SLC25A21: variants seen among roughly 807,000 people sequenced by gnomAD.
SLC25A21 encodes the protein mitochondrial 2-oxodicarboxylate carrier.
In SLC25A21, 47 loss-of-function variants were observed where a neutral mutation model predicts 43.8. The ratio of observed to expected loss-of-function variants is 1.07; its 90% CI spans 0.85 to 1.37. The LOEUF is 1.37. SLC25A21 is among the 40% of genes most tolerant of loss of function. SLC25A21 has a pLI of 0.00. For missense variants in SLC25A21, 352 were observed against 350.2 expected (o/e 1.00, Z -0.04); for synonymous variants, 131 against 121.3 (o/e 1.08, Z -0.52).
intron 3 of SLC25A21, among the ~76,000 whole-genome samples, chr14:36,785,042 G>C (rs1053411963): frequency 5.9e-5 from 9 of 152,166 alleles, no homozygotes; most frequent in African/African-American, 2.2e-4. Context: ...TGTTCTACCA[G>C]AGGGGTGGTA....
chr14:37,095,450 G>A (rs1229242770), intron 1 of SLC25A21, among the ~76,000 whole-genome samples: 1 of 152,258 alleles, frequency 6.6e-6, no homozygotes, highest in South Asian at 2.1e-4. Flanking sequence ...CCTGGGAAGC[G>A]GAGGTTGCAA....
intron 1 of SLC25A21, among the ~76,000 whole-genome samples, chr14:37,136,243 T>G (rs115509772): frequency 2.6e-5 from 4 of 152,216 alleles, no homozygotes; most frequent in African/African-American, 4.8e-5. Context: ...AACTATTAAT[T>G]AAAATGGTCT....
intron 3 of SLC25A21, among the ~76,000 whole-genome samples, chr14:36,794,362 T>C (rs186616345): frequency 6.6e-6 from 1 of 152,202 alleles, no homozygotes; most frequent in Non-Finnish European, 1.5e-5. Context: ...AGTCTTTTAA[T>C]AGACACACCA....
intron 1 of SLC25A21, among the ~76,000 whole-genome samples, chr14:36,997,644 C>A (rs1315668451): frequency 6.6e-6 from 1 of 152,182 alleles, no homozygotes; most frequent in East Asian, 1.9e-4. Context: ...GCCTGTTCAA[C>A]ATGGTGAAAT....
chr14:36,999,426 T>C (rs1208234195), intron 1 of SLC25A21, among the ~76,000 whole-genome samples: 1 of 152,122 alleles, frequency 6.6e-6, no homozygotes, highest in Non-Finnish European at 1.5e-5. Flanking sequence ...GCAGTGAAAA[T>C]CTCTGTATGT....
At chr14:37,154,685 C>G (rs1306217684) in intron 1 of SLC25A21, among the ~76,000 whole-genome samples, 1 of 151,242 alleles carries the variant, frequency 6.6e-6, no homozygotes. Context: ...TCTTGTTCCC[C>G]AGGCTGGAGT....
At chr14:36,878,722 G>GA (rs1027238710) in intron 1 of SLC25A21, among the ~76,000 whole-genome samples, 76 of 152,166 alleles carry the variant, frequency 5.0e-4, no homozygotes, top group African/African-American at 1.8e-3. Context: ...ATCTAACATA[G>GA]AAAAGAAGAT....
At chr14:36,921,096 C>T (rs1284125458) in intron 1 of SLC25A21, among the ~76,000 whole-genome samples, 1 of 152,024 alleles carries the variant, frequency 6.6e-6, no homozygotes, top group Admixed American at 6.6e-5. Flanking sequence ...GATTTTTAGG[C>T]CTGGTTCTTA....
At chr14:36,790,391 C>T (rs1237424945) in intron 3 of SLC25A21, among the ~76,000 whole-genome samples, 1 of 152,032 alleles carries the variant, frequency 6.6e-6, no homozygotes, top group Admixed American at 6.6e-5. Flanking sequence ...CTTCGAAGTT[C>T]TGCCACATCT....
chr14:36,736,333 C>G (rs1196539201), intron 3 of SLC25A21, among the ~76,000 whole-genome samples: 2 of 152,028 alleles, frequency 1.3e-5, no homozygotes, highest in African/African-American at 4.8e-5. Flanking sequence ...TGAGTTGTCC[C>G]CACCCCTTTT....
intron 3 of SLC25A21, among the ~76,000 whole-genome samples, chr14:36,774,234 T>C (rs1232255707): frequency 1.3e-5 from 2 of 152,232 alleles, no homozygotes; most frequent in East Asian, 3.9e-4. Context: ...TTATATATAA[T>C]AGAAACTCGA....
intron 6 of SLC25A21, among the ~76,000 whole-genome samples, chr14:36,717,689 A>T (rs1434600050): frequency 6.6e-6 from 1 of 152,200 alleles, no homozygotes; most frequent in African/African-American, 2.4e-5. Flanking sequence ...TCTCATAAAC[A>T]CTTTCTTTTG....
intron 3 of SLC25A21, among the ~76,000 whole-genome samples, chr14:36,739,632 C>T (rs1351458099): frequency 6.8e-6 from 1 of 148,110 alleles, no homozygotes; most frequent in African/African-American, 2.5e-5. Flanking sequence ...GAGCTGAGAT[C>T]ATGTCACTGC....
At chr14:37,057,992 C>A (rs1961867214) in intron 1 of SLC25A21, among the ~76,000 whole-genome samples, 1 of 152,198 alleles carries the variant, frequency 6.6e-6, no homozygotes, top group Non-Finnish European at 1.5e-5. Flanking sequence ...CAGCAATAAT[C>A]ATATCCGTGC....
chr14:36,953,610 C>T (rs1384546987), intron 1 of SLC25A21, among the ~76,000 whole-genome samples: 1 of 152,104 alleles, frequency 6.6e-6, no homozygotes, highest in Non-Finnish European at 1.5e-5. Flanking sequence ...AAACAAATGG[C>T]TAAAAGTTAG....
chr14:36,978,347 C>A (rs1959929976), intron 1 of SLC25A21, among the ~76,000 whole-genome samples: 1 of 152,158 alleles, frequency 6.6e-6, no homozygotes, highest in Non-Finnish European at 1.5e-5. Flanking sequence ...TTACACTATA[C>A]TATAGTCTAT....
In SLC25A21 at chr14:37,040,371, GAGAGAAAGAAAGAA is replaced by G. The variant is rs1451438385; in HGVS notation, c.70+131896_70+131909del. ...AAGGAAGGAAAGAAAGAGAGAGAGA[GAGAGAAAGAAAGAA>G]AGAAAGAAAGAAAGAAAGAAAGAAA... On this transcript the variant is annotated intron_variant, in intron 1 of 9. Transcript: ENST00000331299. Among the ~76,000 whole-genome samples, 41 of 40,146 alleles carry G rather than the reference GAGAGAAAGAAAGAA, an allele frequency of 1.0e-3. 5 individuals carry two copies. Among genetic ancestry groups the G allele is most frequent in the East Asian group, 1.9e-3 (3 of 1,568 alleles). 26.3% of individuals were successfully genotyped at this position (40,146 alleles called of 152,430 possible).
chr14:37,122,997 A>T (rs1963236220), intron 1 of SLC25A21, among the ~76,000 whole-genome samples: 2 of 152,344 alleles, frequency 1.3e-5, no homozygotes, highest in South Asian at 4.1e-4. Flanking sequence ...GCTTCTCAAA[A>T]GCTGAAGTGA....
intron 1 of SLC25A21, among the ~76,000 whole-genome samples, chr14:37,034,502 C>T (rs957602539): frequency 1.3e-5 from 2 of 152,248 alleles, no homozygotes; most frequent in Admixed American, 6.5e-5. Context: ...TCACTTTCTC[C>T]GTTCCCACTC....
Sources: allele counts gnomAD v4.1 joint callset (sites outside exome capture counted in the v4.1 genomes callset), GRCh38; gene constraint gnomAD v4.1.1; transcripts MANE v1.5; gene names NCBI Gene and HGNC (gene_info 2026-07-23, HGNC 2026-07-21).